The following GHR variants were observed in gnomAD, a reference collection of about 807,000 sequenced individuals.
The protein encoded by GHR is growth hormone receptor.
Under a neutral mutation model 67.1 loss-of-function variants are expected in GHR, and 35 were observed. The observed-to-expected ratio is 0.52, with a 90% CI of 0.40 to 0.69. The LOEUF is 0.69. Among genes scored for constraint, GHR ranks in the 30% least tolerant of loss-of-function variants. GHR has a pLI of 0.00. For synonymous variants in GHR, 272 were observed against 269.1 expected, an observed-to-expected ratio of 1.01 and a Z score of -0.10; for missense variants, 792 against 764.6, an observed-to-expected ratio of 1.04 and a Z score of -0.42.
intron 2 of GHR, among the ~76,000 whole-genome samples, chr5:42,605,346 T>C (rs1466110909): frequency 6.6e-6 from 1 of 152,034 alleles, no homozygotes; most frequent in East Asian, 1.9e-4. Flanking sequence ...CCTCAGGTGA[T>C]CCGTCTGCCT....
chr5:42,469,798 C>A lies in GHR; in HGVS notation c.-12+45843C>A, dbSNP rs977985410. 3.3e-5 allele frequency among the ~76,000 whole-genome samples: 5 copies of A among 152,148 alleles called. No individual in the cohort carries two copies. In the East Asian group the frequency reaches 7.7e-4, roughly 23 times the overall value. On this transcript the variant is annotated intron_variant, in intron 1 of 9. Transcript: ENST00000230882. ...ATAAGCTGTGTTTCTCAAGTTTGGA[C>A]TTTACCTGGGCTGTTGCTTTATTTT...
chr5:42,563,996 T>C (rs1344932147), intron 1 of GHR, among the ~76,000 whole-genome samples: 1 of 151,996 alleles, frequency 6.6e-6, no homozygotes, highest in Non-Finnish European at 1.5e-5. Flanking sequence ...ATTTGCAAAG[T>C]AGACGAGGAT....
At chr5:42,625,114 A>T (rs189381031) in intron 2 of GHR, among the ~76,000 whole-genome samples, 62 of 151,810 alleles carry the variant, frequency 4.1e-4, no homozygotes, top group African/African-American at 1.3e-3. Context: ...CAGTTAGCTA[A>T]CTGGGAGGAG....
At chr5:42,616,918 C>T (rs1238343272) in intron 2 of GHR, among the ~76,000 whole-genome samples, 2 of 151,728 alleles carry the variant, frequency 1.3e-5, no homozygotes, top group African/African-American at 4.8e-5. Flanking sequence ...TAAGAAGGGA[C>T]TATTGAATTT....
intron 1 of GHR, chr5:42,513,992 A>T (rs981712282): frequency 2.7e-6 from 1 of 367,134 alleles, no homozygotes; most frequent in Middle Eastern, 1.4e-3. Context: ...TTCTATCCTG[A>T]AGGTCTTTGA....
intron 2 of GHR, among the ~76,000 whole-genome samples, chr5:42,566,510 C>A (rs1749948948): frequency 3.9e-5 from 6 of 152,180 alleles, no homozygotes; most frequent in Non-Finnish European, 1.5e-5. Context: ...CTCTATAATT[C>A]TCCCTCCCTT....
At chr5:42,451,693 A>G (rs1353013948) in intron 1 of GHR, among the ~76,000 whole-genome samples, 1 of 132,830 alleles carries the variant, frequency 7.5e-6, no homozygotes, top group Non-Finnish European at 1.6e-5. Flanking sequence ...CAACAGAGCA[A>G]GACTCTGTCA....
At chr5:42,641,428 T>G (rs1012396439) in intron 3 of GHR, among the ~76,000 whole-genome samples, 1 of 152,138 alleles carries the variant, frequency 6.6e-6, no homozygotes, top group African/African-American at 2.4e-5. Context: ...GAGGCTTTGA[T>G]GATCAATTTT....
chr5:42,439,960 T>C (rs1467049), intron 1 of GHR, among the ~76,000 whole-genome samples: 1 of 152,088 alleles, frequency 6.6e-6, no homozygotes, highest in Admixed American at 6.5e-5. Flanking sequence ...AACTGGACTG[T>C]ATAGTATATG....
At chr5:42,718,346 CTGT>C (rs757350425) in intron 9 of GHR, 104 bp from the exon 10 acceptor site, 93 of 870,038 alleles carry the variant, frequency 1.1e-4, no homozygotes, top group Non-Finnish European at 1.6e-4. Context: ...TGTTTTGTTA[CTGT>C]TGTTCTTATT....
chr5:42,648,724 A>T (rs1043001920), intron 3 of GHR, among the ~76,000 whole-genome samples: 11 of 151,240 alleles, frequency 7.3e-5, no homozygotes, highest in African/African-American at 2.7e-4. Flanking sequence ...TGGTGGTGGT[A>T]GTAATGGTAG....
intron 1 of GHR, among the ~76,000 whole-genome samples, chr5:42,470,543 G>T (rs149460027): frequency 6.6e-6 from 1 of 151,976 alleles, no homozygotes; most frequent in Non-Finnish European, 1.5e-5. Context: ...TGCTTGCTTC[G>T]TTCATATGAA....
At chr5:42,559,818 A>C (rs1749504265) in intron 1 of GHR, among the ~76,000 whole-genome samples, 1 of 152,156 alleles carries the variant, frequency 6.6e-6, no homozygotes. Context: ...AATTATCATC[A>C]CCATAAAAAG....
chr5:42,433,352 A>AT (rs1400972412), intron 1 of GHR, among the ~76,000 whole-genome samples: 1 of 152,198 alleles, frequency 6.6e-6, no homozygotes, highest in Non-Finnish European at 1.5e-5. Context: ...TGTTGAATAA[A>AT]TAAGTTTTTT....
chr5:42,625,325 A>G (rs116570215), intron 2 of GHR, among the ~76,000 whole-genome samples: 1,747 of 147,902 alleles, frequency 0.012, 39 homozygotes, highest in African/African-American at 0.043. Flanking sequence ...AAAAGTATTA[A>G]TAATCTGAGA....
chr5:42,474,861 AT>A (rs1184750872), intron 1 of GHR, among the ~76,000 whole-genome samples: 1 of 114,080 alleles, frequency 8.8e-6, no homozygotes, highest in African/African-American at 3.3e-5. Flanking sequence ...TTTCTACAAC[AT>A]TTTTTTCTTT....
At chr5:42,599,012 A>AT (rs1172375438) in intron 2 of GHR, among the ~76,000 whole-genome samples, 1 of 152,220 alleles carries the variant, frequency 6.6e-6, no homozygotes, top group African/African-American at 2.4e-5. Context: ...TTAAAGTCAT[A>AT]TTATCTGGCA....
At chr5:42,626,519 T>G (rs1389377443) in intron 2 of GHR, among the ~76,000 whole-genome samples, 2 of 152,146 alleles carry the variant, frequency 1.3e-5, no homozygotes, top group African/African-American at 4.8e-5. Flanking sequence ...CCAGAATCTC[T>G]CGGATTAAGA....
intron 1 of GHR, among the ~76,000 whole-genome samples, chr5:42,481,218 C>CA (rs1745618837): frequency 6.6e-6 from 1 of 150,558 alleles, no homozygotes; most frequent in Non-Finnish European, 1.5e-5. Context: ...TATTGGCCCC[C>CA]ACTCTCTTCT....
Sources: gnomAD v4.1 joint callset for allele counts (sites outside exome capture counted in the v4.1 genomes callset) on GRCh38, gnomAD v4.1.1 for gene constraint, MANE v1.5 for transcripts, NCBI Gene and HGNC (gene_info 2026-07-23, HGNC 2026-07-21) for gene names.